NMNAT3: variants seen among roughly 807,000 people sequenced by gnomAD.
NMNAT3 encodes the protein nicotinamide/nicotinic acid mononucleotide adenylyltransferase 3.
Under a neutral mutation model 24.8 loss-of-function variants are expected in NMNAT3, and 21 were observed. The ratio of observed to expected loss-of-function variants is 0.85; its 90% CI spans 0.60 to 1.22. The LOEUF is 1.22. NMNAT3 is among the 50% of genes most tolerant of loss of function. The probability of loss-of-function intolerance (pLI) is 0.00; values close to 1 mark genes in which losing one functional copy is unlikely to be tolerated. For missense variants in NMNAT3, 387 were observed against 436.6 expected (o/e 0.89, Z 1.01); for synonymous variants, 136 against 155.2 (o/e 0.88, Z 0.92).
At chr3:139,675,479 T>C (rs991839531) in intron 1 of NMNAT3, among the ~76,000 whole-genome samples, 2 of 152,210 alleles carry the variant, frequency 1.3e-5, no homozygotes, top group African/African-American at 4.8e-5. Context: ...ACGCTTTCTT[T>C]GGCCTGAGTC....
chr3:139,639,107 C>T (rs1284956444), intron 1 of NMNAT3, among the ~76,000 whole-genome samples: 2 of 152,214 alleles, frequency 1.3e-5, no homozygotes, highest in Non-Finnish European at 2.9e-5. Context: ...AGAACTTTCT[C>T]TCTTACATCT....
chr3:139,583,480 G>A (rs2053764308), intron 3 of NMNAT3: 10 of 1,600,160 alleles, frequency 6.2e-6, no homozygotes, highest in Non-Finnish European at 8.6e-6. Flanking sequence ...CTAAACATAA[G>A]TTTTGAAGGG....
chr3:139,636,671 T>A (rs1200361089), intron 2 of NMNAT3: 4 of 152,232 alleles, frequency 2.6e-5, no homozygotes, highest in Non-Finnish European at 5.9e-5. Context: ...TTACTCAATT[T>A]GCAATTTGTG....
In NMNAT3 at chr3:139,592,514, T is replaced by C. The variant is rs573180474; in HGVS notation, c.110-9306A>G. On this transcript the variant is annotated intron_variant, in intron 3 of 6. Coordinates refer to ENST00000643695, the MANE Select transcript of NMNAT3 (RefSeq NM_001320510.2). ...AGAAGAGCAACTCCAAGACACATAA[T>C]TGTCAGATTCACCAAAGTTGAAATG... Among the ~76,000 whole-genome samples, 158 of 152,192 alleles carry C rather than the reference T, an allele frequency of 1.0e-3. 1 individual carries two copies. The highest frequency in any genetic ancestry group is 3.8e-3 in the African/African-American group (156 of 41,524).
intron 3 of NMNAT3, among the ~76,000 whole-genome samples, chr3:139,591,460 G>T (rs1042470454): frequency 3.3e-5 from 5 of 152,140 alleles, no homozygotes; most frequent in Admixed American, 1.3e-4. Context: ...ACTGGGTGGA[G>T]CCCACCACAG....
chr3:139,578,798 AC>A, intron 5 of NMNAT3, 73 bp downstream of exon 5: 1 of 1,373,548 alleles, frequency 7.3e-7, no homozygotes. Flanking sequence ...AATCTGCCCT[AC>A]CTTTTACCCT....
At chr3:139,630,586 A>C (rs2056253558) in intron 2 of NMNAT3, among the ~76,000 whole-genome samples, 1 of 152,218 alleles carries the variant, frequency 6.6e-6, no homozygotes, top group Non-Finnish European at 1.5e-5. Flanking sequence ...AGCTCGAAGC[A>C]CAGAGCCTGG....
At chr3:139,603,557 G>A (rs978621021) in intron 3 of NMNAT3, among the ~76,000 whole-genome samples, 3 of 151,810 alleles carry the variant, frequency 2.0e-5, no homozygotes, top group Non-Finnish European at 2.9e-5. Context: ...GATCAGCATC[G>A]ACCAACACGA....
At chr3:139,635,818 C>T (rs1374899032) in intron 2 of NMNAT3, 1 of 152,208 alleles carries the variant, frequency 6.6e-6, no homozygotes. Context: ...CTACCTTTCC[C>T]AATGTCTTTG....
Position 139,561,276 on chromosome 3 carries a change from C to T in NMNAT3, c.775G>A (p.Val259Met), listed in dbSNP as rs757954205. The change falls in exon 7 of 7, where the codon GTG becomes ATG. Residue 259 changes from valine (V) to methionine (M), a missense_variant. By Grantham distance (21) the Val-to-Met change is conservative (BLOSUM62 1). This residue lies in a region of NMNAT3 where 323 missense variants were observed against 345.2 expected (regional missense o/e 0.94). Transcript: ENST00000643695. ...TTTGGGTCGTGACCTACTCGGCCCA[C>T]GCACACCAAGCCAAACTTCTCCACT... is the stretch of plus-strand genomic sequence containing the variant. 14 of 1,614,006 alleles carry T rather than the reference C, an allele frequency of 8.7e-6. No homozygotes were observed. Among genetic ancestry groups the T allele is most frequent in the South Asian group, 2.2e-5 (2 of 91,056 alleles).
At chr3:139,640,422 A>T (rs1211034926) in intron 1 of NMNAT3, among the ~76,000 whole-genome samples, 1 of 152,242 alleles carries the variant, frequency 6.6e-6, no homozygotes, top group Non-Finnish European at 1.5e-5. Context: ...TTAAGTTCTC[A>T]CATCCTCTTA....
intron 1 of NMNAT3, among the ~76,000 whole-genome samples, chr3:139,651,239 A>G (rs919000778): frequency 6.6e-6 from 1 of 152,192 alleles, no homozygotes; most frequent in Non-Finnish European, 1.5e-5. Context: ...CCCGCACAGC[A>G]TAAAAACTCA....
chr3:139,591,444 G>C (rs1369197981), intron 3 of NMNAT3, among the ~76,000 whole-genome samples: 1 of 152,122 alleles, frequency 6.6e-6, no homozygotes, highest in Non-Finnish European at 1.5e-5. Flanking sequence ...CAGCCGGGAA[G>C]CTCGAACTGG....
rs1488069688 is a variant in NMNAT3, at chr3:139,583,353, T to C, written c.110-145A>G. 35 of 1,483,930 alleles carry C rather than the reference T, an allele frequency of 2.4e-5. No individual in the cohort carries two copies. In the Middle Eastern group the frequency reaches 5.2e-4, roughly 22 times the overall value. The allele number at this position is 1,483,930 out of a possible 1,614,324, so 91.9% of individuals were successfully genotyped here. A position where few individuals can be genotyped will look rare whatever the true frequency, so the allele number is the denominator to read the frequency against. On this transcript the variant is annotated intron_variant, in intron 3 of 6. Coordinates refer to ENST00000643695, the MANE Select transcript of NMNAT3 (RefSeq NM_001320510.2). ...AGTTTCACAAGTGGAATCTGTTCAA[T>C]AGGTACATTTTCAACTGGAATGTAA...
chr3:139,635,142 G>C (rs926998465), intron 2 of NMNAT3: 3 of 152,184 alleles, frequency 2.0e-5, no homozygotes, highest in Non-Finnish European at 4.4e-5. Context: ...AACATAATTT[G>C]TCACTCCCTA....
chr3:139,568,381 C>A (rs1269328900), intron 6 of NMNAT3: 5 of 152,102 alleles, frequency 3.3e-5, no homozygotes, highest in Admixed American at 1.3e-4. Context: ...TTGCCTTCTG[C>A]TAGCTTTTGA....
At chr3:139,607,527 T>C (rs555634931) in intron 3 of NMNAT3, among the ~76,000 whole-genome samples, 3 of 152,370 alleles carry the variant, frequency 2.0e-5, no homozygotes, top group South Asian at 2.1e-4. Context: ...CTTTCCATAT[T>C]ACTGAGGTTA....
At chr3:139,622,848 T>TTATATATATA (rs61508216) in intron 3 of NMNAT3, among the ~76,000 whole-genome samples, 1 of 136,368 alleles carries the variant, frequency 7.3e-6, no homozygotes, top group South Asian at 2.2e-4. Context: ...ATTATATATA[T>TTATATATATA]TATATATATA....
rs1384272332 is a variant in NMNAT3 at position 139,659,894 on chromosome 3, G to C, written c.-141+17811C>G. On this transcript the variant is annotated intron_variant, in intron 1 of 6. Transcript: ENST00000643695. ...GACCAGCAGTATCAGCATCATCTGG[G>C]TGCTTCTAGAAATGCACGTTTTTAG... 2.6e-5 allele frequency among the ~76,000 whole-genome samples: 4 copies of C among 152,190 alleles called. No individual in the cohort carries two copies. The East Asian group carries it at 7.7e-4, about 29-fold the overall frequency.
Sources: gnomAD v4.1 joint callset for allele counts (sites outside exome capture counted in the v4.1 genomes callset) on GRCh38, gnomAD v4.1.1 for gene constraint, gnomAD v4.1.1 regional missense constraint, MANE v1.5 for transcripts, NCBI Gene and HGNC (gene_info 2026-07-23, HGNC 2026-07-21) for gene names.